Variants in SPOUT1 observed in about 807,000 individuals in gnomAD.
The protein encoded by SPOUT1 is 28S rRNA (uridine-N(3))-methyltransferase.
Under a neutral mutation model 54.8 loss-of-function variants are expected in SPOUT1, and 40 were observed. The ratio of observed to expected loss-of-function variants is 0.73; its 90% confidence interval spans 0.57 to 0.95. SPOUT1 has a LOEUF of 0.95. Among genes scored for constraint, SPOUT1 ranks in the 40% least tolerant of loss-of-function variants. The pLI is 0.00. For missense variants in SPOUT1, 437 were observed against 499.5 expected (o/e 0.87, Z 1.19); for synonymous variants, 193 against 200.3 (o/e 0.96, Z 0.31).
At chr9:128,825,940 C>T in intron 7 of SPOUT1, 82 bp downstream of exon 7, 1 of 1,585,184 alleles carries the variant, frequency 6.3e-7, no homozygotes, top group Non-Finnish European at 8.6e-7. Context: ...AGGTCCAGGG[C>T]TCTCCGCAAC....
At chr9:128,827,828 A>C (rs1044789817) in intron 3 of SPOUT1, among the ~76,000 whole-genome samples, 9 of 152,314 alleles carry the variant, frequency 5.9e-5, no homozygotes, top group Middle Eastern at 3.4e-3. Context: ...AGGCTGGGGC[A>C]GGAGAATCGA....
At position 128,827,207 on chromosome 9, in the gene SPOUT1, A is replaced by G; in HGVS notation, c.209-16T>C. ...TAGGGCCGCCCTGAGCAGGGGAGGG[A>G]TGTTCCCAGCCAGTGTGAGAGGCAA... On this transcript the variant is annotated splice_polypyrimidine_tract_variant and intron_variant, in intron 3 of 11. Coordinates refer to ENST00000361256, the MANE Select transcript of SPOUT1 (RefSeq NM_016390.4). 3 of 1,600,816 alleles carry G rather than the reference A, an allele frequency of 1.9e-6. No homozygotes were observed. The highest frequency in any genetic ancestry group is 2.6e-6 in the Non-Finnish European group (3 of 1,172,000).
rs777801827 is a variant in SPOUT1, at chr9:128,820,883, C to A, written c.*1882G>T. ...AAACCAGGGGGGCGGCAGAACCTCC[C>A]ACTCACCTGAGGCCCCTACTGCCAC... On this transcript the variant is annotated 3_prime_UTR_variant, in exon 12 of 12. Coordinates refer to ENST00000361256, the MANE Select transcript of SPOUT1 (RefSeq NM_016390.4). 1.3e-6 allele frequency: 2 copies of A among 1,563,382 alleles called. No homozygotes were observed. The highest frequency in any genetic ancestry group is 1.7e-6 in the Non-Finnish European group (2 of 1,148,630).
chr9:128,819,739 GC>G lies in SPOUT1; in HGVS notation c.*3025del. The G allele has an allele frequency of 6.4e-6, 1 of 155,966 alleles. No individual in the cohort carries two copies. Among genetic ancestry groups the G allele is most frequent in the Non-Finnish European group, 1.4e-5 (1 of 70,724 alleles). The allele number at this position is 155,966 out of a possible 1,614,324, so 9.7% of individuals were successfully genotyped here. On this transcript the variant is annotated 3_prime_UTR_variant, in exon 12 of 12. Coordinates refer to ENST00000361256, the MANE Select transcript of SPOUT1 (RefSeq NM_016390.4). ...TCACAGTAATGTAGGATCCGTGGGAGCCCTGAGCTTGTTTTCCTGCAACTAG... is the reference window on the plus strand; with the variant it reads ...TCACAGTAATGTAGGATCCGTGGGAGCCTGAGCTTGTTTTCCTGCAACTAG...
At chr9:128,823,395 C>T (rs147866299) in intron 11 of SPOUT1, among the ~76,000 whole-genome samples, 96 of 152,262 alleles carry the variant, frequency 6.3e-4, no homozygotes, top group African/African-American at 2.1e-3. Flanking sequence ...CAAGTGAGAC[C>T]CCAAGGGGAG....
Position 128,829,748 on chromosome 9 carries a change from G to A in SPOUT1, c.33C>T (p.Gly11=). MAERGRKRPC[G]PGEHGQRIEW... is the part of the protein sequence containing the mutation. Reference sequence around the variant, plus strand: ...GGGTCCCGCCGCCCGCACTTACCGGGCCGCACGGCCGCTTCCTGCCGCGCT... The same window carrying A: ...GGGTCCCGCCGCCCGCACTTACCGGACCGCACGGCCGCTTCCTGCCGCGCT... The change falls in exon 1 of 12, where the codon GGC becomes GGT. Residue 11 remains glycine, a synonymous_variant. Transcript: ENST00000361256. 6.2e-7 allele frequency: 1 copy of A among 1,601,058 alleles called. No homozygotes were observed. The highest frequency in any genetic ancestry group is 1.1e-5 in the South Asian group (1 of 88,972).
chr9:128,829,602 G>T (rs1830312367), intron 1 of SPOUT1, 143 bp downstream of exon 1: 5 of 651,774 alleles, frequency 7.7e-6, no homozygotes, highest in Non-Finnish European at 1.0e-5. Flanking sequence ...AGGCTCACGC[G>T]GCACCTTCGG....
At chr9:128,825,331 T>TC (rs992954582) in intron 7 of SPOUT1, among the ~76,000 whole-genome samples, 2 of 150,960 alleles carry the variant, frequency 1.3e-5, no homozygotes, top group African/African-American at 4.9e-5. Flanking sequence ...GCAACTTTTT[T>TC]TTCTTTTTTT....
rs755035276 is a variant in SPOUT1 at position 128,822,740 on chromosome 9, T to C, written c.*25A>G. 2.9e-5 allele frequency: 45 copies of C among 1,561,974 alleles called. No homozygotes were observed. Among genetic ancestry groups the C allele is most frequent in the Non-Finnish European group, 3.7e-5 (43 of 1,152,178 alleles). ...GCCCCTGGTTTCACTGCTGCTTCACTGATGTCCTCGGCCCCTTAGAACTTT... is the reference window on the plus strand; with the variant it reads ...GCCCCTGGTTTCACTGCTGCTTCACCGATGTCCTCGGCCCCTTAGAACTTT... On this transcript the variant is annotated 3_prime_UTR_variant, in exon 12 of 12. Coordinates refer to ENST00000361256, the MANE Select transcript of SPOUT1 (RefSeq NM_016390.4).
intron 7 of SPOUT1, among the ~76,000 whole-genome samples, chr9:128,825,749 A>G (rs1830228792): frequency 6.6e-6 from 1 of 152,256 alleles, no homozygotes; most frequent in African/African-American, 2.4e-5. Context: ...GCTCTGTGCC[A>G]CATGGGAGCA....
At chr9:128,827,007 G>A in intron 4 of SPOUT1, 25 bp downstream of exon 4, 1 of 1,609,662 alleles carries the variant, frequency 6.2e-7, no homozygotes, top group Non-Finnish European at 8.5e-7. Flanking sequence ...CCTGAACCCT[G>A]GCACCCTGTG....
intron 3 of SPOUT1, among the ~76,000 whole-genome samples, chr9:128,828,001 A>G (rs1200753722): frequency 6.6e-6 from 1 of 152,236 alleles, no homozygotes; most frequent in Non-Finnish European, 1.5e-5. Flanking sequence ...TTTGCTACAC[A>G]TGGATAAGTA....
chr9:128,821,459 C>A lies in SPOUT1; in HGVS notation c.*1306G>T, dbSNP rs1830117619. Reference sequence around the variant, plus strand: ...GCAGGTCCGCGGTGCACCAGGCTCTCCCGCCTTCAGTCTCTGCTCTGCTTG... The same window carrying A: ...GCAGGTCCGCGGTGCACCAGGCTCTACCGCCTTCAGTCTCTGCTCTGCTTG... On this transcript the variant is annotated 3_prime_UTR_variant, in exon 12 of 12. Transcript: ENST00000361256. 4 of 161,070 alleles carry A rather than the reference C, an allele frequency of 2.5e-5. No individual in the cohort carries two copies. In the South Asian group the frequency reaches 6.3e-4, roughly 25 times the overall value. 10.0% of individuals were successfully genotyped at this position (161,070 alleles called of 1,614,324 possible). A position where few individuals can be genotyped will look rare whatever the true frequency, so the allele number is the denominator to read the frequency against.
intron 3 of SPOUT1, among the ~76,000 whole-genome samples, chr9:128,828,294 G>A (rs1265894357): frequency 6.6e-6 from 1 of 152,118 alleles, no homozygotes; most frequent in Admixed American, 6.5e-5. Context: ...TCAGGAGTTC[G>A]AGACCGGCCT....
intron 10 of SPOUT1, 87 bp downstream of exon 10, chr9:128,823,985 C>T (rs1027231584): frequency 1.3e-6 from 2 of 1,576,486 alleles, no homozygotes; most frequent in Non-Finnish European, 1.7e-6. Context: ...CCCCAGACAG[C>T]AGGGGCCCAT....
intron 3 of SPOUT1, among the ~76,000 whole-genome samples, chr9:128,828,024 T>C (rs916177301): frequency 6.6e-6 from 1 of 152,276 alleles, no homozygotes; most frequent in Non-Finnish European, 1.5e-5. Flanking sequence ...TATAATTGTT[T>C]GGACAAGCTT....
chr9:128,822,649 G>T lies in SPOUT1; in HGVS notation c.*116C>A. On this transcript the variant is annotated 3_prime_UTR_variant, in exon 12 of 12. Coordinates refer to ENST00000361256, the MANE Select transcript of SPOUT1 (RefSeq NM_016390.4). ...TGAGACTGTGGGTGTGTGCAGGCCG[G>T]GGAGTATTAAAGGTGGTGATTTTTG... 6.4e-7 allele frequency: 1 copy of T among 1,556,534 alleles called. No homozygotes were observed. Among genetic ancestry groups the T allele is most frequent in the South Asian group, 1.2e-5 (1 of 84,384 alleles).
In SPOUT1 at chr9:128,826,528, T is replaced by TG; in HGVS notation, c.458+11dup. ...CACCCCTCCCTCATGCTTAGGGGAG[T>TG]GACCCCCTTACTGTGGACACTCCAG... On this transcript the variant is annotated intron_variant, in intron 5 of 11. Transcript: ENST00000361256. The surrounding 1 kb of genome is among the most constrained non-coding windows in gnomAD (Gnocchi z 5.5). The TG allele has an allele frequency of 6.2e-7, 1 of 1,611,454 alleles. No homozygotes were observed. Among genetic ancestry groups the TG allele is most frequent in the Non-Finnish European group, 8.5e-7 (1 of 1,178,288 alleles).
chr9:128,826,209 G>T lies in SPOUT1; in HGVS notation c.509-57C>A. 1 of 1,567,894 alleles carries T rather than the reference G, an allele frequency of 6.4e-7. No homozygotes were observed. Among genetic ancestry groups the T allele is most frequent in the East Asian group, 2.2e-5 (1 of 44,520 alleles). ...AGTGCTAGGGCACACAGGGTGCAGT[G>T]GGGACCCTGGAGCGGAGTACCGGCT... On this transcript the variant is annotated intron_variant, in intron 6 of 11. Transcript: ENST00000361256. The surrounding 1 kb of genome is among the most constrained non-coding windows in gnomAD (Gnocchi z 5.5).
Sources: allele counts gnomAD v4.1 joint callset (sites outside exome capture counted in the v4.1 genomes callset), GRCh38; gene constraint gnomAD v4.1.1; non-coding constraint Gnocchi (gnomAD v3.1); transcripts MANE v1.5; gene names NCBI Gene and HGNC (gene_info 2026-07-23, HGNC 2026-07-21).